The following NOTCH1 variants were observed in gnomAD, a reference collection of about 807,000 sequenced individuals.
The protein encoded by NOTCH1 is notch receptor 1.
NOTCH1 carries 37 observed loss-of-function variants against 254.8 expected under a neutral mutation model. That is an observed-to-expected ratio of 0.15 (90% confidence interval 0.11 to 0.19). The LOEUF (loss-of-function observed/expected upper bound fraction) is 0.19, where lower values mean the gene tolerates loss of function less well. Among genes scored for constraint, NOTCH1 ranks in the 10% least tolerant of loss-of-function variants. The probability of loss-of-function intolerance (pLI) is 1.00; values close to 1 mark genes in which losing one functional copy is unlikely to be tolerated. For missense variants in NOTCH1, 2,972 were observed against 3,708.6 expected (o/e 0.80, Z 5.16); for synonymous variants, 1,731 against 1,618.1 (o/e 1.07, Z -1.68).
At chr9:136,499,812 A>G (rs1447078333) in intron 31 of NOTCH1, among the ~76,000 whole-genome samples, 2 of 152,336 alleles carry the variant, frequency 1.3e-5, no homozygotes, top group Admixed American at 6.5e-5. Context: ...CTGTGCAAAG[A>G]AGGCAGCTGA....
chr9:136,499,623 G>A (rs1189319254), intron 31 of NOTCH1, among the ~76,000 whole-genome samples: 5 of 152,320 alleles, frequency 3.3e-5, no homozygotes, highest in Admixed American at 6.5e-5. Flanking sequence ...CCGGGCTCAC[G>A]GCCCTACAGC....
intron 2 of NOTCH1, among the ~76,000 whole-genome samples, chr9:136,541,264 A>G (rs1843728610): frequency 6.6e-6 from 1 of 151,990 alleles, no homozygotes; most frequent in Admixed American, 6.5e-5. Context: ...CACCAACAAA[A>G]CCACTTTTTC....
In NOTCH1 at chr9:136,503,109, C is replaced by T. The variant is rs368493777; in HGVS notation, c.5167+73G>A. 97 of 1,601,676 alleles carry T rather than the reference C, an allele frequency of 6.1e-5. 1 individual carries two copies. The South Asian group carries it at 9.4e-4, about 15-fold the overall frequency. On this transcript the variant is annotated intron_variant, in intron 27 of 33. Coordinates refer to ENST00000651671, the MANE Select transcript of NOTCH1 (RefSeq NM_017617.5). ...GTGGGTAGCAACTGGCACAAACAGC[C>T]AGCGTGTCTGGGGCACGGGGGGATG...
rs1842906196 is a variant in NOTCH1 at position 136,495,899 on chromosome 9, G to A, written c.*172C>T. 1 of 705,710 alleles carries A rather than the reference G, an allele frequency of 1.4e-6. No homozygotes were observed. Among genetic ancestry groups the A allele is most frequent in the African/African-American group, 1.8e-5 (1 of 55,924 alleles). The allele number at this position is 705,710 out of a possible 1,614,324, so 43.7% of individuals were successfully genotyped here. A position where few individuals can be genotyped will look rare whatever the true frequency, so the allele number is the denominator to read the frequency against. ...ATAAATAAAAAGGCAGTGTTTCTGT[G>A]TAAAATAAAAGTACATAAATAAATA... On this transcript the variant is annotated 3_prime_UTR_variant, in exon 34 of 34. Coordinates refer to ENST00000651671, the MANE Select transcript of NOTCH1 (RefSeq NM_017617.5).
chr9:136,524,888 G>A (rs1051943721), intron 2 of NOTCH1, among the ~76,000 whole-genome samples: 6 of 151,952 alleles, frequency 3.9e-5, no homozygotes, highest in African/African-American at 7.3e-5. Flanking sequence ...TGCCCGCCTC[G>A]GCCTCCCAAA....
rs11574888 is a variant in NOTCH1 at position 136,516,737 on chromosome 9, G to A, written c.1555+535C>T. On this transcript the variant is annotated intron_variant, in intron 9 of 33. Coordinates refer to ENST00000651671, the MANE Select transcript of NOTCH1 (RefSeq NM_017617.5). Reference sequence around the variant, plus strand: ...ATACCCTTCTCTCCAGGCAGAAGGGGCTGCACCCAGATCAAGGAGGATCTC... The same window carrying A: ...ATACCCTTCTCTCCAGGCAGAAGGGACTGCACCCAGATCAAGGAGGATCTC... Among the ~76,000 whole-genome samples, 35 of 152,262 alleles carry A rather than the reference G, an allele frequency of 2.3e-4. No homozygotes were observed. In the South Asian group the frequency reaches 4.3e-3, roughly 19 times the overall value.
rs2133331260 is a variant in NOTCH1, at chr9:136,502,365, T to C, written c.5291A>G (p.His1764Arg). 1 of 1,612,442 alleles carries C rather than the reference T, an allele frequency of 6.2e-7. No homozygotes were observed. Residue 1764 changes from histidine to arginine, a missense_variant, in exon 28 of 34, where the codon CAT becomes CGT. Around this residue, in one of 8 missense-constraint regions of NOTCH1, gnomAD observed 421 missense variants for 604.4 expected, o/e 0.70. Coordinates refer to ENST00000651671, the MANE Select transcript of NOTCH1 (RefSeq NM_017617.5). ...VLLSRKRRRQ[H>R]GQLWFPEGFK... ...GCCCTCAGGGAACCAGAGCTGGCCA[T>C]GCTGCCGCCGGCGCTTGCGGGACAG...
At chr9:136,515,820 G>C (rs185523111) in intron 10 of NOTCH1, 104 bp from the exon 11 acceptor site, 6 of 1,239,514 alleles carry the variant, frequency 4.8e-6, no homozygotes, top group Non-Finnish European at 5.6e-6. Context: ...GGAGGGCTCC[G>C]AGCGTGGCAT....
chr9:136,528,518 G>T (rs1843509868), intron 2 of NOTCH1, among the ~76,000 whole-genome samples: 1 of 149,554 alleles, frequency 6.7e-6, no homozygotes, highest in Non-Finnish European at 1.5e-5. Context: ...GAGGGGGATG[G>T]GCAGGGACAG....
intron 21 of NOTCH1, 108 bp downstream of exon 21, chr9:136,507,847 A>G: frequency 1.7e-6 from 2 of 1,151,034 alleles, no homozygotes; most frequent in African/African-American, 1.5e-5. Flanking sequence ...TGAACAGTGC[A>G]TGGGCCTATC....
At position 136,505,693 on chromosome 9, in the gene NOTCH1, C is replaced by T. The variant is rs1843071523; in HGVS notation, c.4203G>A (p.Gly1401=). 1.2e-6 allele frequency: 2 copies of T among 1,608,554 alleles called. No homozygotes were observed. The highest frequency in any genetic ancestry group is 1.3e-5 in the African/African-American group (1 of 74,850). The change falls in exon 25 of 34, where the codon GGG becomes GGA. Residue 1401 remains glycine (G), a synonymous_variant. Coordinates refer to ENST00000651671, the MANE Select transcript of NOTCH1 (RefSeq NM_017617.5). ...GGCTCTCGGATGTGGGCTCACAGGT[C>T]CCCTGGTTGTAGCAGGGGTTGCCGC... The part of the protein sequence containing the change: ...CLGGNPCYNQ[G]TCEPTSESPF...
intron 2 of NOTCH1, among the ~76,000 whole-genome samples, chr9:136,524,311 G>A (rs913618568): frequency 6.6e-6 from 1 of 152,194 alleles, no homozygotes; most frequent in Admixed American, 6.5e-5. Context: ...AAAAAAGAAA[G>A]AAAGAAGAAG....
chr9:136,504,811 C>T lies in NOTCH1; in HGVS notation c.4880G>A (p.Arg1627His), dbSNP rs946083212. 5.8e-6 allele frequency: 9 copies of T among 1,564,916 alleles called. No individual in the cohort carries two copies. Among genetic ancestry groups the T allele is most frequent in the Non-Finnish European group, 2.6e-6 (3 of 1,155,168 alleles). Residue 1627 changes from arginine to histidine, a missense_variant, in exon 26 of 34, where the codon CGC (arginine) becomes CAC (histidine). Around this residue, in one of 8 missense-constraint regions of NOTCH1, gnomAD observed 1,343 missense variants for 1,557.0 expected, o/e 0.86. Transcript: ENST00000651671. Reference sequence around the variant, plus strand: ...GGCGGCACGCTTGATGGGGTGCTTGCGCAGCTCCTCCTCGCGGCCGTAGTA... The same window carrying T: ...GGCGGCACGCTTGATGGGGTGCTTGTGCAGCTCCTCCTCGCGGCCGTAGTA... ...FPYYGREEELRKHPIKRAAEG... is the reference protein window; with the variant it reads ...FPYYGREEELHKHPIKRAAEG...
rs775162462 is a variant in NOTCH1, at chr9:136,513,061, G to A, written c.2427C>T (p.Asp809=). 5.2e-5 allele frequency: 75 copies of A among 1,437,374 alleles called. No homozygotes were observed. The highest frequency in any genetic ancestry group is 4.9e-4 in the Admixed American group (26 of 53,428). The allele number at this position is 1,437,374 out of a possible 1,614,324, so 89.0% of individuals were successfully genotyped here. The part of the protein sequence containing the change: ...PCLNQGTCID[D]VAGYKCNCLL... ...GGCAGTTGCACTTGTACCCGGCAACGTCGTCAATACACGTGCCCTGGTTCA... is the reference window on the plus strand; with the variant it reads ...GGCAGTTGCACTTGTACCCGGCAACATCGTCAATACACGTGCCCTGGTTCA... The change falls in exon 15 of 34, where the codon GAC becomes GAT. Residue 809 remains aspartate (D), a synonymous_variant. Transcript: ENST00000651671. The surrounding 1 kb of genome is among the most constrained non-coding windows in gnomAD (Gnocchi z 4.7).
chr9:136,539,614 T>C (rs2133400485), intron 2 of NOTCH1, among the ~76,000 whole-genome samples: 1 of 152,348 alleles, frequency 6.6e-6, no homozygotes, highest in South Asian at 2.1e-4. Flanking sequence ...GGTCTTGAAC[T>C]CCTGACCTCA....
chr9:136,495,644 C>T lies in NOTCH1; in HGVS notation c.*427G>A, dbSNP rs924751380. ...GGGCGCGGCCTGGACGCCCCAGGAG[C>T]TTTTTGGACTATGCTCGTTCAACTT... On this transcript the variant is annotated 3_prime_UTR_variant, in exon 34 of 34. Transcript: ENST00000651671. The T allele has an allele frequency of 2.5e-6, 1 of 403,974 alleles. No individual in the cohort carries two copies. The highest frequency in any genetic ancestry group is 4.4e-6 in the Non-Finnish European group (1 of 229,304). 25.0% of individuals were successfully genotyped at this position (403,974 alleles called of 1,614,324 possible).
chr9:136,503,480 A>G, intron 26 of NOTCH1, 150 bp from the exon 27 acceptor site: 1 of 1,147,826 alleles, frequency 8.7e-7, no homozygotes, highest in Non-Finnish European at 1.3e-6. Context: ...CAGGTCTGAC[A>G]GCAGCTACCC....
rs1266575947 is a variant in NOTCH1, at chr9:136,507,257, C to T, written c.3643+48G>A. On this transcript the variant is annotated intron_variant, in intron 22 of 33. Coordinates refer to ENST00000651671, the MANE Select transcript of NOTCH1 (RefSeq NM_017617.5). ...TCCCGGGGTGCCTGCCCTGCCCCTG[C>T]CCTGGCCATGGATGGCCAACACCAG... The T allele has an allele frequency of 6.2e-6, 10 of 1,612,196 alleles. No individual in the cohort carries two copies. The Admixed American group carries it at 1.5e-4, about 24-fold the overall frequency.
chr9:136,517,126 G>C (rs1311492475), intron 9 of NOTCH1, 146 bp downstream of exon 9: 1 of 594,776 alleles, frequency 1.7e-6, no homozygotes, highest in East Asian at 2.9e-5. Context: ...CGGACGGCCC[G>C]AGGGCAGGGG....
Sources: gnomAD v4.1 joint callset for allele counts (sites outside exome capture counted in the v4.1 genomes callset) on GRCh38, gnomAD v4.1.1 for gene constraint, gnomAD v4.1.1 regional missense constraint, Gnocchi (gnomAD v3.1) non-coding constraint, MANE v1.5 for transcripts, NCBI Gene and HGNC (gene_info 2026-07-23, HGNC 2026-07-21) for gene names.